Variants in PCF11 observed in about 807,000 individuals in gnomAD.
The protein encoded by PCF11 is PCF11 cleavage and polyadenylation factor subunit, also known as pre-mRNA cleavage complex 2 protein Pcf11.
In PCF11, 19 loss-of-function variants were observed where a neutral mutation model predicts 166.1. That is an observed-to-expected ratio of 0.11 (90% confidence interval 0.08 to 0.17). The LOEUF is 0.17. Ranked by LOEUF, PCF11 falls within the 10% of genes least tolerant of loss-of-function variation. The pLI, the probability that PCF11 is intolerant of heterozygous loss-of-function variation, is 1.00. For synonymous variants in PCF11, 663 were observed against 644.1 expected, an observed-to-expected ratio of 1.03 and a Z score of -0.44; for missense variants, 1,565 against 1,855.5, an observed-to-expected ratio of 0.84 and a Z score of 2.88.
intron 2 of PCF11, among the ~76,000 whole-genome samples, chr11:83,162,935 T>C (rs549678964): frequency 6.6e-6 from 1 of 152,134 alleles, no homozygotes; most frequent in African/African-American, 2.4e-5. Context: ...CCATCATGCC[T>C]GGCTAATTTT....
At chr11:83,173,372 T>C (rs1336440994) in intron 9 of PCF11, among the ~76,000 whole-genome samples, 1 of 152,038 alleles carries the variant, frequency 6.6e-6, no homozygotes, top group East Asian at 1.9e-4. Flanking sequence ...GGAGAATCGC[T>C]TGAACCCAGG....
intron 12 of PCF11, among the ~76,000 whole-genome samples, chr11:83,181,518 A>ATT (rs57414935): frequency 7.0e-6 from 1 of 143,832 alleles, no homozygotes; most frequent in African/African-American, 2.5e-5. Context: ...TTTGAAGGGA[A>ATT]TTTTTTTTTT....
rs760540327 is a variant in PCF11 at position 83,181,827 on chromosome 11, A to G, written c.4168-27A>G. ...TAAAAATTTAGAAATAAATGGAATA[A>G]TCTTTTAAAAATCAACTCCTTTTAA... On this transcript the variant is annotated intron_variant, in intron 12 of 15. Coordinates refer to ENST00000298281, the Ensembl canonical transcript of PCF11. 24 of 1,530,018 alleles carry G rather than the reference A, an allele frequency of 1.6e-5. No homozygotes were observed. In the East Asian group the frequency reaches 2.6e-4, roughly 16 times the overall value. The allele number at this position is 1,530,018 out of a possible 1,614,324, so 94.8% of individuals were successfully genotyped here. A position where few individuals can be genotyped will look rare whatever the true frequency, so the allele number is the denominator to read the frequency against.
Position 83,183,005 on chromosome 11 carries a change from C to T in PCF11, c.4417-33C>T, listed in dbSNP as rs150317837. On this transcript the variant is annotated intron_variant, in intron 14 of 15. Transcript: ENST00000298281. ...CAGAATAGCCCATTAGAAATGAATACGCACATATTTACTTTTTTTCTTTTT... is the reference window on the plus strand; with the variant it reads ...CAGAATAGCCCATTAGAAATGAATATGCACATATTTACTTTTTTTCTTTTT... 2,085 of 1,193,348 alleles carry T rather than the reference C, an allele frequency of 1.7e-3. 11 individuals are homozygous for T. Among genetic ancestry groups the T allele is most frequent in the Non-Finnish European group, 2.3e-3 (1,879 of 826,408 alleles). The allele number at this position is 1,193,348 out of a possible 1,614,324, so 73.9% of individuals were successfully genotyped here.
intron 8 of PCF11, among the ~76,000 whole-genome samples, chr11:83,171,077 A>G (rs1416338305): frequency 6.6e-6 from 1 of 152,238 alleles, no homozygotes; most frequent in Non-Finnish European, 1.5e-5. Flanking sequence ...AACAAGGATT[A>G]TAAATGGATA....
chr11:83,184,496 C>T (rs1219152457), intron 15 of PCF11, 183 bp from the exon 16 acceptor site: 10 of 570,784 alleles, frequency 1.8e-5, no homozygotes, highest in East Asian at 9.2e-5. Context: ...ACATATTGAA[C>T]GTGCAATATA....
At chr11:83,185,860 G>GT (rs1861273080) in exon 16 of PCF11, 1 of 152,544 alleles carries the variant, frequency 6.6e-6, no homozygotes, top group Non-Finnish European at 1.5e-5. Context: ...TCTTTCATCT[G>GT]TTTTTTGAAA....
chr11:83,182,329 G>A, intron 13 of PCF11, 70 bp from the exon 14 acceptor site: 1 of 803,814 alleles, frequency 1.2e-6, no homozygotes, highest in South Asian at 1.6e-5. Context: ...AACAGTGTTT[G>A]TATATTTTTA....
At chr11:83,171,479 T>A (rs1045320635) in intron 8 of PCF11, among the ~76,000 whole-genome samples, 1 of 152,242 alleles carries the variant, frequency 6.6e-6, no homozygotes, top group East Asian at 1.9e-4. Flanking sequence ...AAGTGACTTG[T>A]GTAAAGTAAC....
At chr11:83,178,482 C>T (rs1249813671) in intron 11 of PCF11, among the ~76,000 whole-genome samples, 1 of 151,828 alleles carries the variant, frequency 6.6e-6, no homozygotes, top group African/African-American at 2.4e-5. Flanking sequence ...ATGAGATTTT[C>T]ATAGTTCAGC....
At chr11:83,169,454 A>G in exon 8 of PCF11, 1 of 1,613,718 alleles carries the variant, frequency 6.2e-7, no homozygotes, top group East Asian at 2.2e-5. Flanking sequence ...TTAAGGTTTG[A>G]TGGGCAGCCA....
chr11:83,157,426 G>T (rs773254471), exon 1 of PCF11: 4 of 1,603,648 alleles, frequency 2.5e-6, no homozygotes, highest in Non-Finnish European at 3.4e-6. Flanking sequence ...ACCTCGGAGG[G>T]GGGCCGCGGC....
chr11:83,167,658 G>A lies in PCF11; in HGVS notation c.2092+153G>A. On this transcript the variant is annotated intron_variant, in intron 7 of 15. Transcript: ENST00000298281. This position sits in a 1 kb window ranked among gnomAD's most constrained non-coding sequence, Gnocchi z 4.2. The stretch of plus-strand genomic sequence containing the variant: ...GGTTCAGCATTCATTTCCAAGACTT[G>A]ATCTCTTAGATCCTGATATTTTTGA... The A allele has an allele frequency of 6.5e-7, 1 of 1,527,406 alleles. No homozygotes were observed. 94.6% of individuals were successfully genotyped at this position (1,527,406 alleles called of 1,614,324 possible). A position where few individuals can be genotyped will look rare whatever the true frequency, so the allele number is the denominator to read the frequency against.
At chr11:83,163,348 A>G (rs1860328920) in intron 2 of PCF11, among the ~76,000 whole-genome samples, 1 of 152,136 alleles carries the variant, frequency 6.6e-6, no homozygotes, top group South Asian at 2.1e-4. Flanking sequence ...TATATTTTTT[A>G]GTTTTATATT....
intron 1 of PCF11, among the ~76,000 whole-genome samples, chr11:83,160,612 A>T (rs762481600): frequency 2.6e-5 from 4 of 152,106 alleles, no homozygotes; most frequent in African/African-American, 9.7e-5. Flanking sequence ...AGAGGAAAAT[A>T]TCTCGGCGGA....
In PCF11 at chr11:83,157,654, C is replaced by T. The variant is rs1453491471; in HGVS notation, c.192+23C>T. On this transcript the variant is annotated intron_variant, in intron 1 of 15. Coordinates refer to ENST00000298281, the Ensembl canonical transcript of PCF11. The stretch of plus-strand genomic sequence containing the variant: ...AAGGTTTTTATACACCCCGCAGCCT[C>T]CTATTACTTCTAATACTCCCTGATT... 10 of 1,601,424 alleles carry T rather than the reference C, an allele frequency of 6.2e-6. No homozygotes were observed. The East Asian group carries it at 2.0e-4, about 32-fold the overall frequency.
chr11:83,166,821 T>C (rs888550896), intron 5 of PCF11, 107 bp downstream of exon 5: 3 of 921,816 alleles, frequency 3.3e-6, no homozygotes, highest in African/African-American at 1.7e-5. Context: ...GTACTTTTTT[T>C]CCATCTAATT....
chr11:83,166,481 G>C (rs1362866239), exon 5 of PCF11: 2 of 1,613,964 alleles, frequency 1.2e-6, no homozygotes, highest in Middle Eastern at 1.6e-4. Context: ...GAGCTAAGCA[G>C]TCACATATGG....
intron 12 of PCF11, among the ~76,000 whole-genome samples, 177 bp downstream of exon 12, chr11:83,181,368 A>G (rs1861077497): frequency 6.6e-6 from 1 of 151,428 alleles, no homozygotes; most frequent in African/African-American, 2.4e-5. Flanking sequence ...TAGAATATAA[A>G]CAGATTTTTT....
Sources: allele counts gnomAD v4.1 joint callset (sites outside exome capture counted in the v4.1 genomes callset), GRCh38; gene constraint gnomAD v4.1.1; non-coding constraint Gnocchi (gnomAD v3.1); transcripts MANE v1.5; gene names NCBI Gene and HGNC (gene_info 2026-07-23, HGNC 2026-07-21).